The following IL1RAPL2 variants were observed in gnomAD, a reference collection of about 807,000 sequenced individuals.
IL1RAPL2 encodes X-linked interleukin-1 receptor accessory protein-like 2.
In IL1RAPL2, 3 loss-of-function variants were observed where a neutral mutation model predicts 44.1. The observed-to-expected ratio is 0.07, with a 90% confidence interval of 0.03 to 0.18. The LOEUF is 0.18. Ranked by LOEUF, IL1RAPL2 falls within the 10% of genes least tolerant of loss-of-function variation. IL1RAPL2 has a pLI of 1.00. For missense variants in IL1RAPL2, 391 were observed against 496.4 expected (o/e 0.79, Z 2.02); for synonymous variants, 181 against 178.8 (o/e 1.01, Z -0.10).
At chrX:104,903,778 C>T (rs113185596) in intron 2 of IL1RAPL2, among the ~76,000 whole-genome samples, 13,218 of 109,535 alleles carry the variant, frequency 0.12, 766 homozygotes, top group Non-Finnish European at 0.17. Context: ...GGGATTTTGC[C>T]GTGTTGCCCA....
intron 6 of IL1RAPL2, among the ~76,000 whole-genome samples, chrX:105,507,033 C>G (rs1284354543): frequency 9.0e-6 from 1 of 111,626 alleles, no homozygotes; most frequent in Non-Finnish European, 1.9e-5. Context: ...AAATATAACT[C>G]ATTTCCAGGG....
At chrX:105,354,042 C>T (rs1480520003) in intron 5 of IL1RAPL2, among the ~76,000 whole-genome samples, 1 of 110,844 alleles carries the variant, frequency 9.0e-6, no homozygotes, top group African/African-American at 3.3e-5. Flanking sequence ...CAGTTTTTGC[C>T]CATTCAGTAT....
At chrX:105,707,376 T>TA (rs2147544826) in intron 6 of IL1RAPL2, among the ~76,000 whole-genome samples, 1 of 112,154 alleles carries the variant, frequency 8.9e-6, no homozygotes, top group East Asian at 2.8e-4. Context: ...AAAACCGATT[T>TA]AAAAATAAGA....
chrX:104,687,701 T>C (rs781742710), intron 2 of IL1RAPL2, among the ~76,000 whole-genome samples: 10 of 111,459 alleles, frequency 9.0e-5, no homozygotes, highest in Non-Finnish European at 1.9e-4. Flanking sequence ...TTTCTGTCTT[T>C]GCCCTGGCCT....
chrX:105,477,734 C>T (rs1649997930), intron 5 of IL1RAPL2, among the ~76,000 whole-genome samples: 1 of 111,623 alleles, frequency 9.0e-6, no homozygotes, highest in Non-Finnish European at 1.9e-5. Context: ...CCAAAATCCT[C>T]AATTCCCTCA....
intron 2 of IL1RAPL2, among the ~76,000 whole-genome samples, chrX:104,826,048 A>G (rs1921441400): frequency 8.9e-6 from 1 of 112,183 alleles, no homozygotes; most frequent in African/African-American, 3.2e-5. Context: ...AGCCTTTTAT[A>G]TATTACCCAG....
chrX:105,550,586 G>C (rs1213153061), intron 6 of IL1RAPL2, among the ~76,000 whole-genome samples: 2 of 111,967 alleles, frequency 1.8e-5, no homozygotes, highest in Non-Finnish European at 3.8e-5. Context: ...CAAACTCACA[G>C]AGTCTTTCAA....
Position 105,179,224 on chromosome X carries a change from C to T in IL1RAPL2, c.83-16251C>T, listed in dbSNP as rs771649103. ...TCTGCATGTGGCTATCCAATTTTCC[C>T]AGCACCATTTATTGAAGAGGGTGTT... On this transcript the variant is annotated intron_variant, in intron 2 of 10. Transcript: ENST00000372582. 1.2e-4 allele frequency among the ~76,000 whole-genome samples: 13 copies of T among 112,041 alleles called. No homozygotes were observed. In the East Asian group the frequency reaches 2.5e-3, roughly 22 times the overall value.
rs1156253591 is a variant in IL1RAPL2 at position 105,095,850 on chromosome X, A to C, written c.83-99625A>C. Among the ~76,000 whole-genome samples the C allele has an allele frequency of 2.7e-5, 3 of 112,204 alleles. No individual in the cohort carries two copies. The East Asian group carries it at 8.3e-4, about 31-fold the overall frequency. On this transcript the variant is annotated intron_variant, in intron 2 of 10. Coordinates refer to ENST00000372582, the MANE Select transcript of IL1RAPL2 (RefSeq NM_017416.2). The stretch of plus-strand genomic sequence containing the variant: ...AAGAAAAATACATAAATGAGACTTC[A>C]TAAAAATTAACAACCTTTATGCATC...
At chrX:105,559,068 G>A (rs778200718) in intron 6 of IL1RAPL2, among the ~76,000 whole-genome samples, 10 of 111,384 alleles carry the variant, frequency 9.0e-5, no homozygotes, top group South Asian at 3.7e-4. Context: ...ATTTTTATTC[G>A]TAAACCAACT....
intron 2 of IL1RAPL2, among the ~76,000 whole-genome samples, chrX:105,007,960 T>C (rs1448963686): frequency 8.7e-6 from 1 of 114,760 alleles, no homozygotes; most frequent in Non-Finnish European, 1.9e-5. Context: ...ACACTATACA[T>C]TGACGTGGAA....
rs188120601 is a variant in IL1RAPL2, at chrX:104,880,843, C to T, written c.82+221848C>T. Among the ~76,000 whole-genome samples, 8 of 111,785 alleles carry T rather than the reference C, an allele frequency of 7.2e-5. No homozygotes were observed. The East Asian group carries it at 2.3e-3, about 31-fold the overall frequency. On this transcript the variant is annotated intron_variant, in intron 2 of 10. Transcript: ENST00000372582. Reference sequence around the variant, plus strand: ...CAAAGGTGCAATAGAATAAGCAATCCTTCAACACGCCATCAACTTTTGAGT... The same window carrying T: ...CAAAGGTGCAATAGAATAAGCAATCTTTCAACACGCCATCAACTTTTGAGT...
At chrX:105,078,136 GCT>G (rs1173144463) in intron 2 of IL1RAPL2, among the ~76,000 whole-genome samples, 1 of 111,408 alleles carries the variant, frequency 9.0e-6, no homozygotes, top group Non-Finnish European at 1.9e-5. Context: ...CAGTTTTTCT[GCT>G]CTGTTTTTTC....
chrX:105,091,057 T>C lies in IL1RAPL2; in HGVS notation c.83-104418T>C, dbSNP rs1388399982. 4.5e-5 allele frequency among the ~76,000 whole-genome samples: 5 copies of C among 112,235 alleles called. No homozygotes were observed. The Admixed American group carries it at 4.7e-4, about 11-fold the overall frequency. On this transcript the variant is annotated intron_variant, in intron 2 of 10. Transcript: ENST00000372582. ...CCCATCTGTGTTTGTATGTGACTTA[T>C]ATAAATTAGTTACTTTTGAAATTGC...
intron 2 of IL1RAPL2, among the ~76,000 whole-genome samples, chrX:104,847,545 C>T (rs1013261739): frequency 3.6e-5 from 4 of 111,090 alleles, no homozygotes; most frequent in East Asian, 2.8e-4. Context: ...CTGTTCCACT[C>T]GTCTATATCT....
At chrX:104,743,897 G>A (rs1376967289) in intron 2 of IL1RAPL2, among the ~76,000 whole-genome samples, 1 of 110,720 alleles carries the variant, frequency 9.0e-6, no homozygotes, top group Non-Finnish European at 1.9e-5. Flanking sequence ...AGGCTAGACT[G>A]GAGAGCTAAG....
intron 2 of IL1RAPL2, among the ~76,000 whole-genome samples, chrX:105,082,181 A>G (rs921980959): frequency 2.7e-5 from 3 of 111,341 alleles, no homozygotes; most frequent in African/African-American, 9.8e-5. Context: ...CGGAGATCCA[A>G]TTTCTTCCTG....
chrX:104,979,841 G>A (rs1712814214), intron 2 of IL1RAPL2, among the ~76,000 whole-genome samples: 1 of 111,998 alleles, frequency 8.9e-6, no homozygotes, highest in South Asian at 3.7e-4. Context: ...CATTTATGAG[G>A]ATCACAACTG....
chrX:104,616,348 G>T (rs990281826), intron 1 of IL1RAPL2, among the ~76,000 whole-genome samples: 1 of 112,131 alleles, frequency 8.9e-6, no homozygotes, highest in Non-Finnish European at 1.9e-5. Context: ...AGCTGTCCTT[G>T]TTCATTCATG....
Sources: gnomAD v4.1 joint callset for allele counts (sites outside exome capture counted in the v4.1 genomes callset) on GRCh38, gnomAD v4.1.1 for gene constraint, MANE v1.5 for transcripts, NCBI Gene and HGNC (gene_info 2026-07-23, HGNC 2026-07-21) for gene names.